The following KCNT2 variants were observed in gnomAD, a reference collection of about 807,000 sequenced individuals.
The protein encoded by KCNT2 is potassium channel subfamily T member 2.
Under a neutral mutation model 153.8 loss-of-function variants are expected in KCNT2, and 67 were observed. The observed-to-expected ratio is 0.44, with a 90% confidence interval of 0.36 to 0.53. The LOEUF (loss-of-function observed/expected upper bound fraction) is 0.53. Among genes scored for constraint, KCNT2 ranks in the 20% least tolerant of loss-of-function variants. The probability of loss-of-function intolerance (pLI) is 0.00; values close to 1 mark genes in which losing one functional copy is unlikely to be tolerated. For missense variants in KCNT2, 975 were observed against 1,354.8 expected (o/e 0.72, Z 4.40); for synonymous variants, 500 against 458.8 (o/e 1.09, Z -1.15).
intron 12 of KCNT2, among the ~76,000 whole-genome samples, chr1:196,411,156 T>C (rs1365080781): frequency 6.7e-6 from 1 of 148,970 alleles, no homozygotes; most frequent in Non-Finnish European, 1.5e-5. Flanking sequence ...CTTCCTTCTT[T>C]TTTTCCTTCT....
At chr1:196,368,081 T>C (rs1271344905) in intron 14 of KCNT2, among the ~76,000 whole-genome samples, 3 of 152,168 alleles carry the variant, frequency 2.0e-5, no homozygotes, top group Non-Finnish European at 2.9e-5. Flanking sequence ...GCTGAACCCA[T>C]AGTTTTTAAG....
intron 7 of KCNT2, 86 bp from the exon 8 acceptor site, chr1:196,465,473 T>C (rs1015330503): frequency 2.6e-6 from 2 of 770,916 alleles, no homozygotes; most frequent in Non-Finnish European, 4.7e-6. Flanking sequence ...ATACATTTCA[T>C]GTCAACTCTC....
At chr1:196,563,614 C>T (rs79486330) in intron 1 of KCNT2, among the ~76,000 whole-genome samples, 2,188 of 151,862 alleles carry the variant, frequency 0.014, 54 homozygotes, top group African/African-American at 0.05. Flanking sequence ...TATAAATCCT[C>T]AACAAAATAC....
chr1:196,248,926 C>A (rs1655692637), intron 26 of KCNT2, among the ~76,000 whole-genome samples: 1 of 152,130 alleles, frequency 6.6e-6, no homozygotes, highest in Non-Finnish European at 1.5e-5. Flanking sequence ...TATTAACAGA[C>A]TGAATTCAAC....
chr1:196,496,959 T>C (rs1186296125), intron 1 of KCNT2, among the ~76,000 whole-genome samples: 1 of 152,148 alleles, frequency 6.6e-6, no homozygotes, highest in Non-Finnish European at 1.5e-5. Context: ...TTCTCAACAA[T>C]ATTATAACAA....
chr1:196,430,799 A>C (rs928558940), intron 8 of KCNT2, among the ~76,000 whole-genome samples: 3 of 152,130 alleles, frequency 2.0e-5, no homozygotes, highest in African/African-American at 7.2e-5. Flanking sequence ...CAACAAAAAA[A>C]AGCAAAGTGA....
intron 25 of KCNT2, among the ~76,000 whole-genome samples, chr1:196,280,346 G>C (rs774435206): frequency 6.6e-6 from 1 of 152,206 alleles, no homozygotes; most frequent in Non-Finnish European, 1.5e-5. Flanking sequence ...ACTTTGGGAA[G>C]ATCTGACACT....
intron 24 of KCNT2, 107 bp from the exon 25 acceptor site, chr1:196,281,095 C>T (rs1169095752): frequency 1.2e-6 from 1 of 807,704 alleles, no homozygotes; most frequent in African/African-American, 1.7e-5. Context: ...CAGGGTCTCA[C>T]TCTGTCACCC....
chr1:196,322,990 T>C (rs1663479413), intron 19 of KCNT2, among the ~76,000 whole-genome samples: 2 of 151,930 alleles, frequency 1.3e-5, no homozygotes, highest in Admixed American at 1.3e-4. Flanking sequence ...ATGAATCAGA[T>C]ATTGCACTAG....
At chr1:196,379,379 TGGCCAA>T (rs1289019382) in intron 13 of KCNT2, among the ~76,000 whole-genome samples, 1 of 152,076 alleles carries the variant, frequency 6.6e-6, no homozygotes, top group Admixed American at 6.6e-5. Flanking sequence ...GAGACCAACC[TGGCCAA>T]CATGGCAAAA....
intron 1 of KCNT2, among the ~76,000 whole-genome samples, chr1:196,578,630 T>C (rs1328161338): frequency 2.0e-5 from 3 of 152,154 alleles, no homozygotes; most frequent in Non-Finnish European, 4.4e-5. Flanking sequence ...GTATGAAGAA[T>C]TCTTTTACAA....
intron 13 of KCNT2, among the ~76,000 whole-genome samples, chr1:196,386,064 C>A (rs552248945): frequency 6.6e-6 from 1 of 152,238 alleles, no homozygotes; most frequent in African/African-American, 2.4e-5. Flanking sequence ...GCTGCCACAT[C>A]ATGAGGATGC....
chr1:196,255,269 T>G (rs1656372550), intron 26 of KCNT2, among the ~76,000 whole-genome samples: 1 of 151,772 alleles, frequency 6.6e-6, no homozygotes, highest in Non-Finnish European at 1.5e-5. Context: ...AACTAACACA[T>G]CATACCCCTG....
chr1:196,479,205 T>C lies in KCNT2; in HGVS notation c.358A>G (p.Ile120Val), dbSNP rs1318331149. ...SVALISLFET[I>V]LLGYLSYKGN... ...TTATAACTAAGATAACCAAGTAATATTGTTTCAAACAGACTTATCAATGCC... is the reference window on the plus strand; with the variant it reads ...TTATAACTAAGATAACCAAGTAATACTGTTTCAAACAGACTTATCAATGCC... The change falls in exon 5 of 28, where the codon ATA becomes GTA. Residue 120 changes from isoleucine (I) to valine (V), a missense_variant. By Grantham distance (29) the Ile-to-Val change is conservative. Coordinates refer to ENST00000294725, the MANE Select transcript of KCNT2 (RefSeq NM_198503.5). The C allele has an allele frequency of 5.1e-6, 8 of 1,577,224 alleles. No homozygotes were observed. The highest frequency in any genetic ancestry group is 6.9e-6 in the Non-Finnish European group (8 of 1,151,290).
chr1:196,309,992 T>C (rs1459366533), intron 21 of KCNT2, among the ~76,000 whole-genome samples: 1 of 151,882 alleles, frequency 6.6e-6, no homozygotes, highest in African/African-American at 2.4e-5. Context: ...AAGAGTTCTC[T>C]GCCTGCATTA....
At position 196,405,574 on chromosome 1, in the gene KCNT2, T is replaced by A. The variant is rs186556284; in HGVS notation, c.1186-6903A>T. Among the ~76,000 whole-genome samples, 12 of 151,660 alleles carry A rather than the reference T, an allele frequency of 7.9e-5. No homozygotes were observed. The East Asian group carries it at 1.6e-3, about 20-fold the overall frequency. ...AAGAACTCAGACATTTTAGATGAAA[T>A]TTTATAAATGAATTATTTACCTCTC... On this transcript the variant is annotated intron_variant, in intron 12 of 27. Coordinates refer to ENST00000294725, the MANE Select transcript of KCNT2 (RefSeq NM_198503.5).
chr1:196,507,747 T>G (rs1681265462), intron 1 of KCNT2, among the ~76,000 whole-genome samples: 1 of 152,158 alleles, frequency 6.6e-6, no homozygotes, highest in South Asian at 2.1e-4. Context: ...CTTCCTCAAA[T>G]TAGTAAGAAT....
rs74654440 is a variant in KCNT2 at position 196,598,815 on chromosome 1, G to A, written c.95+9400C>T. Among the ~76,000 whole-genome samples, 221 of 152,288 alleles carry A rather than the reference G, an allele frequency of 1.5e-3. 2 individuals carry two copies. Among genetic ancestry groups the A allele is most frequent in the African/African-American group, 5.1e-3 (213 of 41,568 alleles). ...AGAATTGGTATAAAGATTAAATAAA[G>A]TAATACGTAATACATGTAACATGCT... is the stretch of plus-strand genomic sequence containing the variant. On this transcript the variant is annotated intron_variant, in intron 1 of 27. Transcript: ENST00000294725.
At chr1:196,489,576 A>G (rs994132813) in intron 3 of KCNT2, among the ~76,000 whole-genome samples, 12 of 151,912 alleles carry the variant, frequency 7.9e-5, no homozygotes, top group Admixed American at 7.9e-4. Flanking sequence ...AACAAAAACT[A>G]CTTAATGCAC....
Sources: gnomAD v4.1 joint callset for allele counts (sites outside exome capture counted in the v4.1 genomes callset) on GRCh38, gnomAD v4.1.1 for gene constraint, MANE v1.5 for transcripts, NCBI Gene and HGNC (gene_info 2026-07-23, HGNC 2026-07-21) for gene names.